The following MCC variants were observed in gnomAD, a reference collection of about 807,000 sequenced individuals.
MCC encodes the protein MCC regulator of Wnt signaling pathway.
Under a neutral mutation model 116.2 loss-of-function variants are expected in MCC, and 90 were observed. The ratio of observed to expected loss-of-function variants is 0.77; its 90% CI spans 0.65 to 0.92. MCC has a LOEUF of 0.92. Among genes scored for constraint, MCC ranks in the 40% least tolerant of loss-of-function variants. MCC has a pLI of 0.00. For missense variants in MCC, 1,516 were observed against 1,312.2 expected (o/e 1.16, Z -2.40); for synonymous variants, 578 against 510.5 (o/e 1.13, Z -1.78).
intron 14 of MCC, among the ~76,000 whole-genome samples, chr5:113,055,075 T>C (rs1269821533): frequency 6.6e-6 from 1 of 152,228 alleles, no homozygotes; most frequent in Non-Finnish European, 1.5e-5. Context: ...AGAGGCCTAC[T>C]GACCTTGCAT....
chr5:113,314,333 G>C (rs1480135548), intron 3 of MCC, among the ~76,000 whole-genome samples: 3 of 152,188 alleles, frequency 2.0e-5, no homozygotes, highest in African/African-American at 7.2e-5. Flanking sequence ...GTGAAGGCTG[G>C]ATGACTGTGT....
intron 11 of MCC, among the ~76,000 whole-genome samples, chr5:113,078,658 T>A (rs1420826294): frequency 6.6e-6 from 1 of 152,146 alleles, no homozygotes; most frequent in Non-Finnish European, 1.5e-5. Context: ...GGGACGTATC[T>A]CAAAATAATA....
chr5:113,103,333 T>C (rs1756542844), intron 7 of MCC, among the ~76,000 whole-genome samples: 1 of 152,302 alleles, frequency 6.6e-6, no homozygotes, highest in South Asian at 2.1e-4. Flanking sequence ...CCCTAGCTGG[T>C]TGGTAGAGGC....
intron 3 of MCC, among the ~76,000 whole-genome samples, chr5:113,222,804 G>T (rs1214445174): frequency 6.6e-6 from 1 of 152,154 alleles, no homozygotes; most frequent in African/African-American, 2.4e-5. Context: ...ATCCTCAAGG[G>T]GACCACTGCA....
chr5:113,321,782 G>A (rs572647882), intron 3 of MCC, among the ~76,000 whole-genome samples: 1 of 152,306 alleles, frequency 6.6e-6, no homozygotes, highest in South Asian at 2.1e-4. Flanking sequence ...TTAAAATGCA[G>A]ATTTTGATTC....
chr5:113,167,479 AT>A (rs1408832135), intron 3 of MCC, among the ~76,000 whole-genome samples: 14 of 152,190 alleles, frequency 9.2e-5, no homozygotes, highest in African/African-American at 3.4e-4. Flanking sequence ...CAGCTTCCTC[AT>A]CCCCAAAATA....
At chr5:113,232,661 T>G (rs1763978377) in intron 3 of MCC, among the ~76,000 whole-genome samples, 2 of 152,198 alleles carry the variant, frequency 1.3e-5, no homozygotes, top group Non-Finnish European at 2.9e-5. Flanking sequence ...CTTTGAAAAT[T>G]TATTAAAGCA....
Position 113,114,997 on chromosome 5 carries a change from A to G in MCC, c.1027+7687T>C, listed in dbSNP as rs1757312953. On this transcript the variant is annotated intron_variant, in intron 6 of 18. Coordinates refer to ENST00000408903, the MANE Select transcript of MCC (RefSeq NM_001085377.2). ...GCAACTGCCTCACATGAAAAGGCAG[A>G]GGGCCCACTGAGCTGCTTAACACTT... Among the ~76,000 whole-genome samples the G allele has an allele frequency of 4.6e-5, 7 of 152,300 alleles. No homozygotes were observed. In the South Asian group the frequency reaches 1.5e-3, roughly 32 times the overall value.
intron 3 of MCC, among the ~76,000 whole-genome samples, chr5:113,272,502 A>C (rs932400033): frequency 1.3e-5 from 2 of 152,198 alleles, no homozygotes; most frequent in African/African-American, 4.8e-5. Flanking sequence ...ATTGGGCTCT[A>C]CTGTGCTCAT....
intron 3 of MCC, among the ~76,000 whole-genome samples, chr5:113,237,806 G>A (rs1352531706): frequency 1.3e-5 from 2 of 152,238 alleles, no homozygotes; most frequent in African/African-American, 2.4e-5. Context: ...GGCTGGATGC[G>A]ACACACTGCC....
chr5:113,198,491 T>C (rs1762526153), intron 3 of MCC, among the ~76,000 whole-genome samples: 1 of 150,634 alleles, frequency 6.6e-6, no homozygotes, highest in Admixed American at 6.6e-5. Flanking sequence ...GCCCAGGAGT[T>C]CGAGACAAGC....
chr5:113,055,983 T>G (rs1162319182), intron 14 of MCC, among the ~76,000 whole-genome samples: 1 of 152,220 alleles, frequency 6.6e-6, no homozygotes, highest in Admixed American at 6.5e-5. Flanking sequence ...CCTGCAGACT[T>G]CAGATTTGCC....
intron 13 of MCC, among the ~76,000 whole-genome samples, chr5:113,067,052 C>T (rs1753662518): frequency 6.6e-6 from 1 of 152,210 alleles, no homozygotes; most frequent in South Asian, 2.1e-4. Flanking sequence ...ACTGCAGGCT[C>T]GGAGCCACAA....
At chr5:113,087,072 C>A (rs933603628) in intron 8 of MCC, among the ~76,000 whole-genome samples, 26 of 152,340 alleles carry the variant, frequency 1.7e-4, no homozygotes, top group Admixed American at 3.9e-4. Context: ...CCGGTGCCAG[C>A]CCTGCCGCCA....
At position 113,024,367 on chromosome 5, in the gene MCC, C is replaced by T. The variant is rs1326878107; in HGVS notation, c.*2935G>A. ...GACAGATTTTTGTAGCTGGTAAGCTCACACTGATGGCACTCGCAACTACGG... is the reference window on the plus strand; with the variant it reads ...GACAGATTTTTGTAGCTGGTAAGCTTACACTGATGGCACTCGCAACTACGG... On this transcript the variant is annotated 3_prime_UTR_variant, in exon 19 of 19. Coordinates refer to ENST00000408903, the MANE Select transcript of MCC (RefSeq NM_001085377.2). 1 of 152,222 alleles carries T rather than the reference C, an allele frequency of 6.6e-6. No individual in the cohort carries two copies. Among genetic ancestry groups the T allele is most frequent in the Non-Finnish European group, 1.5e-5 (1 of 68,048 alleles). The allele number at this position is 152,222 out of a possible 1,614,324, so 9.4% of individuals were successfully genotyped here.
rs1238418427 is a variant in MCC, at chr5:113,122,779, T to G, written c.932A>C (p.Gln311Pro). The change falls in exon 6 of 19, where the codon CAA becomes CCA. Residue 311 changes from glutamine to proline, a missense_variant. Physicochemically the swap from Gln to Pro is moderately conservative, Grantham distance 76 (BLOSUM62 -1). Coordinates refer to ENST00000408903, the MANE Select transcript of MCC (RefSeq NM_001085377.2). ...SELRSELSQS[Q>P]HEVNEDSRSM... ...TCGAGAGTCCTCGTTGACCTCGTGT[T>G]GGCTCTGGCTGAGTTCTGATCGCAG... 6.2e-7 allele frequency: 1 copy of G among 1,614,210 alleles called. No individual in the cohort carries two copies. The highest frequency in any genetic ancestry group is 1.7e-5 in the Admixed American group (1 of 60,030).
At chr5:113,126,806 T>C (rs1302896932) in intron 5 of MCC, among the ~76,000 whole-genome samples, 1 of 152,234 alleles carries the variant, frequency 6.6e-6, no homozygotes, top group Non-Finnish European at 1.5e-5. Context: ...TGGTGAGTCA[T>C]GAGCTATGTG....
chr5:113,165,981 G>A (rs1760747440), intron 3 of MCC, among the ~76,000 whole-genome samples: 1 of 151,708 alleles, frequency 6.6e-6, no homozygotes, highest in Non-Finnish European at 1.5e-5. Context: ...GGAGGGGGCA[G>A]GGAATGAAGG....
chr5:113,193,327 T>G lies in MCC; in HGVS notation c.628-41905A>C, dbSNP rs892985963. Reference sequence around the variant, plus strand: ...TTACCATGTAAGGTAAAATATTCAGTAATTCTGGGGATTAGGACATGGACC... The same window carrying G: ...TTACCATGTAAGGTAAAATATTCAGGAATTCTGGGGATTAGGACATGGACC... On this transcript the variant is annotated intron_variant, in intron 3 of 18. Transcript: ENST00000408903. 4.0e-5 allele frequency among the ~76,000 whole-genome samples: 6 copies of G among 151,404 alleles called. No individual in the cohort carries two copies. The South Asian group carries it at 1.0e-3, about 26-fold the overall frequency.
Sources: allele counts gnomAD v4.1 joint callset (sites outside exome capture counted in the v4.1 genomes callset), GRCh38; gene constraint gnomAD v4.1.1; transcripts MANE v1.5; gene names NCBI Gene and HGNC (gene_info 2026-07-23, HGNC 2026-07-21).